The following VPS41 variants were observed in gnomAD, a reference collection of about 807,000 sequenced individuals.
VPS41 encodes VPS41 subunit of HOPS complex.
VPS41 carries 85 observed loss-of-function variants against 130.9 expected under a neutral mutation model. That is an observed-to-expected ratio of 0.65 (90% CI 0.55 to 0.78). The LOEUF is 0.78. Ranked by LOEUF, VPS41 falls within the 30% of genes least tolerant of loss-of-function variation. The pLI is 0.00. For synonymous variants in VPS41, 335 were observed against 332.9 expected (o/e 1.01, Z -0.07); for missense variants, 874 against 1,018.7 (o/e 0.86, Z 1.93).
intron 3 of VPS41, among the ~76,000 whole-genome samples, chr7:38,868,331 G>A (rs1277659653): frequency 6.6e-6 from 1 of 152,236 alleles, no homozygotes; most frequent in Admixed American, 6.5e-5. Flanking sequence ...CTAATAAAGT[G>A]TTGGGGGTAC....
chr7:38,769,544 T>G (rs1007808542), intron 14 of VPS41, among the ~76,000 whole-genome samples: 1 of 152,084 alleles, frequency 6.6e-6, no homozygotes, highest in African/African-American at 2.4e-5. Flanking sequence ...TAAAATAGGA[T>G]TCATCATTTC....
chr7:38,812,844 C>T (rs1440165297), intron 7 of VPS41, among the ~76,000 whole-genome samples: 3 of 152,050 alleles, frequency 2.0e-5, no homozygotes, highest in Non-Finnish European at 4.4e-5. Flanking sequence ...TATCACTTAA[C>T]ACATACCAGA....
At chr7:38,813,187 C>A (rs1418098722) in intron 7 of VPS41, among the ~76,000 whole-genome samples, 1 of 151,828 alleles carries the variant, frequency 6.6e-6, no homozygotes, top group African/African-American at 2.4e-5. Context: ...ATCATCTGGA[C>A]ATAAAAAGGA....
intron 2 of VPS41, among the ~76,000 whole-genome samples, chr7:38,886,083 C>T (rs6974795): frequency 0.63 from 95,441 of 151,658 alleles, 31,396 homozygotes; most frequent in East Asian, 0.89. Flanking sequence ...CCCAGCGAGA[C>T]TGATGCAGAA....
At chr7:38,782,392 C>A (rs181319385) in intron 10 of VPS41, among the ~76,000 whole-genome samples, 330 of 152,320 alleles carry the variant, frequency 2.2e-3, no homozygotes, top group Middle Eastern at 6.8e-3. Context: ...CTGATATCAC[C>A]CTGCAGCGAT....
chr7:38,802,774 T>C (rs1183920268), intron 7 of VPS41, among the ~76,000 whole-genome samples: 3 of 152,204 alleles, frequency 2.0e-5, no homozygotes, highest in African/African-American at 7.2e-5. Flanking sequence ...ACAGACCTAC[T>C]GAGCACGAAT....
At chr7:38,764,495 T>A (rs1048614543) in intron 16 of VPS41, among the ~76,000 whole-genome samples, 4 of 152,134 alleles carry the variant, frequency 2.6e-5, no homozygotes, top group Non-Finnish European at 4.4e-5. Flanking sequence ...TCCAGACTTA[T>A]TTTTTATGCA....
intron 4 of VPS41, among the ~76,000 whole-genome samples, chr7:38,832,319 C>CTTTTTTT (rs543207806): frequency 4.4e-4 from 50 of 114,736 alleles, no homozygotes; most frequent in Non-Finnish European, 8.0e-4. Context: ...TTCTTTCTTT[C>CTTTTTTT]TTTTTTTTTT....
At chr7:38,757,014 A>T (rs1783808613) in intron 18 of VPS41, 32 bp from the exon 19 acceptor site, 18 of 1,514,028 alleles carry the variant, frequency 1.2e-5, no homozygotes, top group Non-Finnish European at 1.6e-5. Flanking sequence ...ATTAATATTC[A>T]TCAACAGTTC....
At chr7:38,840,574 G>A (rs985255684) in intron 4 of VPS41, among the ~76,000 whole-genome samples, 2 of 151,920 alleles carry the variant, frequency 1.3e-5, no homozygotes, top group Non-Finnish European at 2.9e-5. Flanking sequence ...ATTAAATTCT[G>A]GATATGTTAT....
chr7:38,767,602 G>C lies in VPS41; in HGVS notation c.1186-4C>G. 1 of 1,606,896 alleles carries C rather than the reference G, an allele frequency of 6.2e-7. No homozygotes were observed. The highest frequency in any genetic ancestry group is 8.5e-7 in the Non-Finnish European group (1 of 1,175,630). Reference sequence around the variant, plus strand: ...TTATATATGCCAAGCCAATATCCTAGAGAAAGCCAAATGAAGAAATGTCAA... The same window carrying C: ...TTATATATGCCAAGCCAATATCCTACAGAAAGCCAAATGAAGAAATGTCAA... On this transcript the variant is annotated splice_region_variant and splice_polypyrimidine_tract_variant and intron_variant, in intron 14 of 28. Coordinates refer to ENST00000310301, the MANE Select transcript of VPS41 (RefSeq NM_014396.4).
At position 38,751,272 on chromosome 7, in the gene VPS41, G is replaced by A. The variant is rs532948734; in HGVS notation, c.1926+904C>T. Among the ~76,000 whole-genome samples the A allele has an allele frequency of 1.4e-4, 22 of 152,270 alleles. No homozygotes were observed. The South Asian group carries it at 4.6e-3, about 32-fold the overall frequency. On this transcript the variant is annotated intron_variant, in intron 22 of 28. Transcript: ENST00000310301. Reference sequence around the variant, plus strand: ...CAGCTTCTTTGCACATATCTCTAATGGGTCAAATATGTTTTTTATTTTGTT... The same window carrying A: ...CAGCTTCTTTGCACATATCTCTAATAGGTCAAATATGTTTTTTATTTTGTT...
rs561676420 is a variant in VPS41, at chr7:38,850,362, C to A, written c.246+12183G>T. ...GAGAAGCACCTGTTCATGTCATTTG[C>A]CCAATTTCATTCTGAGTTGTTTGGG... On this transcript the variant is annotated intron_variant, in intron 4 of 28. Transcript: ENST00000310301. Among the ~76,000 whole-genome samples the A allele has an allele frequency of 1.8e-3, 274 of 152,302 alleles. 4 individuals are homozygous for A. Among genetic ancestry groups the A allele is most frequent in the Non-Finnish European group, 1.6e-3 (108 of 68,024 alleles).
At chr7:38,764,127 T>C (rs1030210784) in intron 16 of VPS41, among the ~76,000 whole-genome samples, 1 of 152,210 alleles carries the variant, frequency 6.6e-6, no homozygotes, top group African/African-American at 2.4e-5. Context: ...TCACAAGTCC[T>C]AGAAGAAAGA....
Position 38,723,737 on chromosome 7 carries a change from A to AG in VPS41, c.*2508_*2509insC, listed in dbSNP as rs1458988262. ...AGACTCCATCTCAAAAAAAAAAAAA[A>AG]AAAAAAAAAAAAAAAGAATAGCTTA... On this transcript the variant is annotated 3_prime_UTR_variant, in exon 29 of 29. Transcript: ENST00000310301. 6.7e-6 allele frequency: 1 copy of AG among 149,686 alleles called. No individual in the cohort carries two copies. The highest frequency in any genetic ancestry group is 1.5e-5 in the Non-Finnish European group (1 of 67,686). 9.3% of individuals were successfully genotyped at this position (149,686 alleles called of 1,614,324 possible).
At chr7:38,899,190 A>G (rs1787087061) in intron 1 of VPS41, among the ~76,000 whole-genome samples, 1 of 152,186 alleles carries the variant, frequency 6.6e-6, no homozygotes, top group African/African-American at 2.4e-5. Context: ...TTGCCTTCAA[A>G]GGCCATGGGT....
rs1192226667 is a variant in VPS41 at position 38,862,531 on chromosome 7, T to C, written c.246+14A>G. On this transcript the variant is annotated intron_variant, in intron 4 of 28. Coordinates refer to ENST00000310301, the MANE Select transcript of VPS41 (RefSeq NM_014396.4). The stretch of plus-strand genomic sequence containing the variant: ...GAAGTTTAGCTCATACATTATTTTA[T>C]ACAGAATACTTACTACATCAAACTT... 1.3e-6 allele frequency: 2 copies of C among 1,512,712 alleles called. No individual in the cohort carries two copies. The highest frequency in any genetic ancestry group is 1.8e-6 in the Non-Finnish European group (2 of 1,097,446). The allele number at this position is 1,512,712 out of a possible 1,614,324, so 93.7% of individuals were successfully genotyped here.
intron 4 of VPS41, 106 bp downstream of exon 4, chr7:38,862,439 A>C (rs538439053): frequency 1.6e-6 from 1 of 636,586 alleles, no homozygotes; most frequent in East Asian, 2.9e-5. Flanking sequence ...TTGAATTAAT[A>C]AAGATCCTCT....
intron 14 of VPS41, among the ~76,000 whole-genome samples, chr7:38,768,357 T>C (rs1190470170): frequency 1.3e-5 from 2 of 152,076 alleles, no homozygotes; most frequent in Non-Finnish European, 2.9e-5. Context: ...TGTTGATTTC[T>C]ACTTTATGTA....
Sources: allele counts gnomAD v4.1 joint callset (sites outside exome capture counted in the v4.1 genomes callset), GRCh38; gene constraint gnomAD v4.1.1; transcripts MANE v1.5; gene names NCBI Gene and HGNC (gene_info 2026-07-23, HGNC 2026-07-21).